Variants in SLFN12L observed in about 807,000 individuals in gnomAD.
The protein encoded by SLFN12L is schlafen family member 12-like.
In SLFN12L, 34 loss-of-function variants were observed where a neutral mutation model predicts 34.8. The ratio of observed to expected loss-of-function variants is 0.98; its 90% CI spans 0.74 to 1.30. The LOEUF (loss-of-function observed/expected upper bound fraction) is 1.30. Among genes scored for constraint, SLFN12L ranks in the 50% most tolerant of loss-of-function variants. The pLI is 0.00. For missense variants in SLFN12L, 703 were observed against 696.2 expected (o/e 1.01, Z -0.11); for synonymous variants, 259 against 247.5 (o/e 1.05, Z -0.44).
chr17:35,492,743 T>C (rs1914884053), intron 2 of SLFN12L, among the ~76,000 whole-genome samples: 1 of 152,156 alleles, frequency 6.6e-6, no homozygotes, highest in African/African-American at 2.4e-5. Flanking sequence ...TGGCTTTCCC[T>C]CGGGCAGGTG....
intron 1 of SLFN12L, among the ~76,000 whole-genome samples, chr17:35,525,162 AAG>A (rs1345674337): frequency 6.6e-6 from 1 of 152,080 alleles, no homozygotes; most frequent in Non-Finnish European, 1.5e-5. Flanking sequence ...ATAGAGAAAA[AAG>A]AATGAAAAGG....
intron 1 of SLFN12L, among the ~76,000 whole-genome samples, chr17:35,524,823 G>T (rs1216547710): frequency 6.6e-6 from 1 of 152,086 alleles, no homozygotes; most frequent in Admixed American, 6.5e-5. Flanking sequence ...ACAACTCCTT[G>T]CCAGCAAGGG....
rs150502470 is a variant in SLFN12L at position 35,513,618 on chromosome 17, A to G, written c.86+8661T>C. Among the ~76,000 whole-genome samples, 8 of 152,322 alleles carry G rather than the reference A, an allele frequency of 5.3e-5. No homozygotes were observed. In the South Asian group the frequency reaches 6.2e-4, roughly 12 times the overall value. On this transcript the variant is annotated intron_variant, in intron 2 of 4. Coordinates refer to ENST00000628453, the MANE Select transcript of SLFN12L (RefSeq NM_001363830.2). The stretch of plus-strand genomic sequence containing the variant: ...GAAACTGAGTCTGTGACTGCAGATA[A>G]TATGTCACTATTTGAGAATAAGAGG...
At chr17:35,507,466 T>C (rs1244013072) in intron 2 of SLFN12L, among the ~76,000 whole-genome samples, 2 of 152,166 alleles carry the variant, frequency 1.3e-5, no homozygotes, top group African/African-American at 2.4e-5. Context: ...TCAAAATAGA[T>C]TGGCTCTTGA....
At chr17:35,520,789 C>T (rs7221507) in intron 2 of SLFN12L, among the ~76,000 whole-genome samples, 140,341 of 152,134 alleles carry the variant, frequency 0.92, 64,812 homozygotes, top group East Asian at 1. Context: ...CCATGGGACA[C>T]TACACACAAT....
intron 2 of SLFN12L, among the ~76,000 whole-genome samples, chr17:35,510,583 C>G (rs897699711): frequency 6.6e-6 from 1 of 152,040 alleles, no homozygotes; most frequent in African/African-American, 2.4e-5. Flanking sequence ...GGAGACGTTG[C>G]CAGGGGCTGG....
chr17:35,495,795 G>A (rs1040549762), intron 2 of SLFN12L, among the ~76,000 whole-genome samples: 16 of 151,736 alleles, frequency 1.1e-4, no homozygotes, highest in Non-Finnish European at 1.5e-4. Context: ...TGTCCTTCGC[G>A]CCCACTAACA....
At chr17:35,480,298 G>T (rs1914276924) in intron 2 of SLFN12L, 103 bp from the exon 3 acceptor site, 7 of 888,856 alleles carry the variant, frequency 7.9e-6, no homozygotes, top group Non-Finnish European at 1.2e-5. Flanking sequence ...TTTTCCACTA[G>T]ACTGGTAAGT....
rs1358534243 is a variant in SLFN12L, at chr17:35,469,387, C to T, written c.*5536G>A. Among the ~76,000 whole-genome samples the T allele has an allele frequency of 6.8e-6, 1 of 147,112 alleles. No homozygotes were observed. The highest frequency in any genetic ancestry group is 2.5e-5 in the African/African-American group (1 of 39,824). ...ACTTTTAACCCACTTTAAAACTCCA[C>T]CAAGATAATAGTAAAAACCTCCAAA... On this transcript the variant is annotated 3_prime_UTR_variant, in exon 5 of 5. Transcript: ENST00000628453.
chr17:35,516,601 G>T (rs1318918129), intron 2 of SLFN12L, among the ~76,000 whole-genome samples: 2 of 152,138 alleles, frequency 1.3e-5, no homozygotes, highest in African/African-American at 2.4e-5. Context: ...CCCTCAAGGG[G>T]TGACAACCGG....
chr17:35,510,031 C>T (rs1915588836), intron 2 of SLFN12L: 8 of 152,208 alleles, frequency 5.3e-5, no homozygotes, highest in Admixed American at 4.6e-4. Context: ...GAGCCATAAA[C>T]TCACATACCT....
intron 2 of SLFN12L, chr17:35,515,032 C>G: frequency 1.8e-6 from 1 of 544,528 alleles, no homozygotes. Context: ...TTGGAAAGCT[C>G]AACTCACTCC....
intron 2 of SLFN12L, among the ~76,000 whole-genome samples, chr17:35,484,191 C>T (rs1234864258): frequency 6.6e-6 from 1 of 152,170 alleles, no homozygotes; most frequent in Non-Finnish European, 1.5e-5. Context: ...ACCTGATAAA[C>T]TCTCTATCAT....
intron 1 of SLFN12L, among the ~76,000 whole-genome samples, chr17:35,524,848 G>A (rs544405856): frequency 4.6e-5 from 7 of 152,246 alleles, no homozygotes; most frequent in African/African-American, 1.7e-4. Flanking sequence ...AAACTGGACG[G>A]AGAATGAGTT....
At chr17:35,524,921 A>G (rs1323832149) in intron 1 of SLFN12L, among the ~76,000 whole-genome samples, 5 of 152,104 alleles carry the variant, frequency 3.3e-5, no homozygotes, top group Non-Finnish European at 5.9e-5. Context: ...GAGCTAAAGG[A>G]GCATGTTTTA....
At chr17:35,484,093 A>G (rs967860277) in intron 2 of SLFN12L, among the ~76,000 whole-genome samples, 2 of 152,170 alleles carry the variant, frequency 1.3e-5, no homozygotes, top group African/African-American at 4.8e-5. Context: ...TGTGCACCAG[A>G]GTAGTCACCA....
chr17:35,530,437 AAG>A (rs2072390267), intron 1 of SLFN12L, among the ~76,000 whole-genome samples: 6 of 12,738 alleles, frequency 4.7e-4, no homozygotes, highest in South Asian at 3.5e-3. Flanking sequence ...AAGGGAAGGG[AAG>A]GGAAGAAAGA....
intron 2 of SLFN12L, chr17:35,491,288 T>C: frequency 1.4e-6 from 1 of 736,620 alleles, no homozygotes. Context: ...TTTTAAATCA[T>C]GGAACCAGAA....
chr17:35,495,796 C>T (rs766932438), intron 2 of SLFN12L, among the ~76,000 whole-genome samples: 38 of 151,996 alleles, frequency 2.5e-4, no homozygotes, highest in East Asian at 1.9e-4. Context: ...GTCCTTCGCG[C>T]CCACTAACAA....
Sources: allele counts gnomAD v4.1 joint callset (sites outside exome capture counted in the v4.1 genomes callset), GRCh38; gene constraint gnomAD v4.1.1; transcripts MANE v1.5; gene names NCBI Gene and HGNC (gene_info 2026-07-23, HGNC 2026-07-21).